The following ANO4 variants were observed in gnomAD, a reference collection of about 807,000 sequenced individuals.
ANO4 encodes anoctamin 4, also known as anoctamin-4.
ANO4 carries 69 observed loss-of-function variants against 141.9 expected under a neutral mutation model. The observed-to-expected ratio is 0.49, with a 90% CI of 0.40 to 0.59. The LOEUF is 0.59. Among genes scored for constraint, ANO4 ranks in the 20% least tolerant of loss-of-function variants. The pLI, the probability that ANO4 is intolerant of heterozygous loss-of-function variation, is 0.00. For synonymous variants in ANO4, 350 were observed against 394.3 expected (o/e 0.89, Z 1.33); for missense variants, 894 against 1,162.2 (o/e 0.77, Z 3.36).
intron 2 of ANO4, among the ~76,000 whole-genome samples, chr12:100,918,743 C>G (rs1454319014): frequency 2.0e-5 from 3 of 152,088 alleles, no homozygotes; most frequent in Non-Finnish European, 4.4e-5. Flanking sequence ...AATTAAACTA[C>G]TATGTTACTG....
intron 14 of ANO4, among the ~76,000 whole-genome samples, chr12:101,075,048 G>A (rs543494402): frequency 2.0e-5 from 3 of 152,186 alleles, no homozygotes; most frequent in Admixed American, 6.5e-5. Flanking sequence ...TGTGATTAGC[G>A]CTGACCTAGA....
At chr12:100,742,572 A>G (rs915575492) in intron 3 of ANO4, among the ~76,000 whole-genome samples, 3 of 152,146 alleles carry the variant, frequency 2.0e-5, no homozygotes, top group Non-Finnish European at 4.4e-5. Flanking sequence ...TTTTGGACTG[A>G]TATAGAGGAG....
At chr12:100,750,119 C>CT (rs938357510) in intron 3 of ANO4, among the ~76,000 whole-genome samples, 34 of 147,568 alleles carry the variant, frequency 2.3e-4, no homozygotes, top group South Asian at 6.5e-4. Context: ...TTCTGCATTT[C>CT]TTTTTTTTTT....
intron 25 of ANO4, among the ~76,000 whole-genome samples, chr12:101,119,060 T>C (rs905562745): frequency 6.6e-6 from 1 of 152,102 alleles, no homozygotes; most frequent in Non-Finnish European, 1.5e-5. Flanking sequence ...TCCTTTTTTA[T>C]GGCTGCATAG....
chr12:100,986,351 C>A (rs2044708076), intron 7 of ANO4, among the ~76,000 whole-genome samples: 2 of 152,138 alleles, frequency 1.3e-5, no homozygotes, highest in Non-Finnish European at 2.9e-5. Flanking sequence ...CCATCTCAAG[C>A]AGACAGCAAA....
At chr12:100,802,149 C>A (rs2034737082) in intron 1 of ANO4, among the ~76,000 whole-genome samples, 1 of 152,100 alleles carries the variant, frequency 6.6e-6, no homozygotes, top group Non-Finnish European at 1.5e-5. Flanking sequence ...AACAAACTGT[C>A]CAGGGTGTGG....
chr12:100,774,593 T>C (rs1429966666), intron 3 of ANO4, among the ~76,000 whole-genome samples: 1 of 152,238 alleles, frequency 6.6e-6, no homozygotes, highest in African/African-American at 2.4e-5. Flanking sequence ...CACACATCAT[T>C]CTTTAGTTGA....
chr12:100,838,886 A>G (rs2037087660), intron 1 of ANO4, among the ~76,000 whole-genome samples: 1 of 152,234 alleles, frequency 6.6e-6, no homozygotes, highest in East Asian at 1.9e-4. Context: ...TTAAAGCCTG[A>G]AGGAAGATGT....
At chr12:100,978,082 C>A (rs2044285202) in intron 7 of ANO4, among the ~76,000 whole-genome samples, 1 of 152,178 alleles carries the variant, frequency 6.6e-6, no homozygotes, top group Non-Finnish European at 1.5e-5. Flanking sequence ...CATTAGAATC[C>A]TATGGCCCCA....
At chr12:100,932,998 A>C (rs1403292988) in intron 3 of ANO4, among the ~76,000 whole-genome samples, 1 of 152,058 alleles carries the variant, frequency 6.6e-6, no homozygotes, top group Non-Finnish European at 1.5e-5. Context: ...TACCCTGACC[A>C]ATCTGTGCTG....
intron 8 of ANO4, among the ~76,000 whole-genome samples, chr12:101,004,866 G>C (rs1435645946): frequency 6.6e-6 from 1 of 152,154 alleles, no homozygotes; most frequent in Non-Finnish European, 1.5e-5. Flanking sequence ...GGCAGATAGA[G>C]AATGCCACAA....
rs547474267 is a variant in ANO4 at position 100,940,978 on chromosome 12, A to G, written c.298-1399A>G. 1.8e-4 allele frequency among the ~76,000 whole-genome samples: 27 copies of G among 152,308 alleles called. No homozygotes were observed. In the South Asian group the frequency reaches 5.2e-3, roughly 29 times the overall value. Reference sequence around the variant, plus strand: ...ATGTAAGTTACAAAGTATGATAATAAAATGAACACCTGGAACCACCATCTG... The same window carrying G: ...ATGTAAGTTACAAAGTATGATAATAGAATGAACACCTGGAACCACCATCTG... On this transcript the variant is annotated intron_variant, in intron 4 of 27. Transcript: ENST00000392977.
chr12:101,048,298 A>G (rs1413012224), intron 13 of ANO4, 43 bp from the exon 14 acceptor site: 2 of 1,589,994 alleles, frequency 1.3e-6, no homozygotes, highest in Non-Finnish European at 1.7e-6. Context: ...TTGGAATATC[A>G]TATATGAGAA....
chr12:101,013,453 C>T (rs999683991), intron 8 of ANO4, among the ~76,000 whole-genome samples: 5 of 152,092 alleles, frequency 3.3e-5, no homozygotes, highest in Admixed American at 2.0e-4. Context: ...CTTCTGGCAA[C>T]CTACACATAG....
At chr12:101,030,529 A>C (rs61944928) in intron 9 of ANO4, among the ~76,000 whole-genome samples, 1,847 of 152,306 alleles carry the variant, frequency 0.012, 19 homozygotes, top group Middle Eastern at 0.031. Context: ...GAAAGCTAGA[A>C]AGATCTCAAA....
intron 5 of ANO4, among the ~76,000 whole-genome samples, chr12:100,955,292 A>G (rs910679258): frequency 6.6e-5 from 10 of 152,204 alleles, no homozygotes; most frequent in African/African-American, 2.4e-4. Context: ...GAGCAGCACT[A>G]CTAGTGTCTG....
chr12:100,951,925 T>C (rs995793083), intron 5 of ANO4, among the ~76,000 whole-genome samples: 8 of 152,228 alleles, frequency 5.3e-5, no homozygotes, highest in Non-Finnish European at 1.0e-4. Flanking sequence ...ACCCACTAGA[T>C]GCCAGTAGCA....
At chr12:100,967,958 T>A (rs926667004) in intron 5 of ANO4, among the ~76,000 whole-genome samples, 2 of 152,208 alleles carry the variant, frequency 1.3e-5, no homozygotes, top group Non-Finnish European at 2.9e-5. Context: ...ACATTCAGTT[T>A]GGCTGTGGGT....
At chr12:101,102,403 A>G (rs1476602890) in intron 22 of ANO4, among the ~76,000 whole-genome samples, 43 of 152,266 alleles carry the variant, frequency 2.8e-4, no homozygotes, top group Admixed American at 2.6e-3. Flanking sequence ...TATTTTAGCC[A>G]TTTGGGTTGG....
Sources: allele counts gnomAD v4.1 joint callset (sites outside exome capture counted in the v4.1 genomes callset), GRCh38; gene constraint gnomAD v4.1.1; transcripts MANE v1.5; gene names NCBI Gene and HGNC (gene_info 2026-07-23, HGNC 2026-07-21).